The following SUPT3H variants were observed in gnomAD, a reference collection of about 807,000 sequenced individuals.
The protein encoded by SUPT3H is SPT3 homolog, SAGA and STAGA complex component.
A neutral mutation model predicts 44.3 loss-of-function variants in SUPT3H; 44 were observed. The ratio of observed to expected loss-of-function variants is 0.99; its 90% CI spans 0.78 to 1.28. The LOEUF is 1.28. SUPT3H is among the 50% of genes most tolerant of loss of function. SUPT3H has a pLI of 0.00. For missense variants in SUPT3H, 380 were observed against 387.1 expected, an observed-to-expected ratio of 0.98 and a Z score of 0.15; for synonymous variants, 124 against 125.6, an observed-to-expected ratio of 0.99 and a Z score of 0.09.
chr6:44,886,224 C>A (rs574663937), intron 10 of SUPT3H, among the ~76,000 whole-genome samples: 2 of 152,242 alleles, frequency 1.3e-5, no homozygotes, highest in South Asian at 2.1e-4. Flanking sequence ...CTTCCCCAAT[C>A]TAGCAAGGCA....
intron 2 of SUPT3H, among the ~76,000 whole-genome samples, chr6:45,135,987 A>G (rs1241988614): frequency 6.6e-6 from 1 of 152,206 alleles, no homozygotes; most frequent in Non-Finnish European, 1.5e-5. Flanking sequence ...AAAGTGAGTT[A>G]TCAGCCACCC....
chr6:45,105,517 CTATT>C (rs1375685414), intron 3 of SUPT3H, among the ~76,000 whole-genome samples: 1 of 152,094 alleles, frequency 6.6e-6, no homozygotes, highest in Non-Finnish European at 1.5e-5. Context: ...ATACTATAGT[CTATT>C]GATTGTCAAA....
chr6:45,063,663 C>A (rs1480541451), intron 3 of SUPT3H, among the ~76,000 whole-genome samples: 1 of 28,638 alleles, frequency 3.5e-5, no homozygotes, highest in Non-Finnish European at 6.5e-5. Flanking sequence ...GTGAAGAATG[C>A]AGAAGCCTCA....
intron 10 of SUPT3H, among the ~76,000 whole-genome samples, chr6:44,925,154 A>G (rs1463751254): frequency 6.6e-6 from 1 of 152,192 alleles, no homozygotes; most frequent in African/African-American, 2.4e-5. Flanking sequence ...AAACATCTCT[A>G]GTACCCTCTA....
intron 6 of SUPT3H, among the ~76,000 whole-genome samples, chr6:44,962,163 C>G (rs926328220): frequency 2.0e-5 from 3 of 152,130 alleles, no homozygotes; most frequent in African/African-American, 4.8e-5. Flanking sequence ...AAAACTGTTA[C>G]AAATATTATT....
In SUPT3H at chr6:45,128,859, T is replaced by A. The variant is rs906162287; in HGVS notation, c.102-22853A>T. ...TGCCACCACACCTGACTAATTTTTG[T>A]ATTTTGAGTAGAGACAGCGTTTCAC... On this transcript the variant is annotated intron_variant, in intron 2 of 10. Transcript: ENST00000371459. 3.3e-5 allele frequency among the ~76,000 whole-genome samples: 5 copies of A among 151,846 alleles called. No individual in the cohort carries two copies. The East Asian group carries it at 5.9e-4, about 18-fold the overall frequency.
intron 6 of SUPT3H, among the ~76,000 whole-genome samples, chr6:44,970,228 A>G (rs1254988919): frequency 6.6e-6 from 1 of 152,168 alleles, no homozygotes; most frequent in African/African-American, 2.4e-5. Context: ...AAATGTTTTA[A>G]TGCCCATTAA....
Position 45,156,066 on chromosome 6 carries a change from AAAG to A in SUPT3H, c.102-50063_102-50061del, listed in dbSNP as rs927657886. 5.3e-5 allele frequency among the ~76,000 whole-genome samples: 8 copies of A among 152,208 alleles called. No individual in the cohort carries two copies. The East Asian group carries it at 1.2e-3, about 22-fold the overall frequency. On this transcript the variant is annotated intron_variant, in intron 2 of 10. Transcript: ENST00000371459. ...CCATCTATGTTCTAGGGGATTTAAAAAAGAAGAAGAAAAAAGAAAATAGCTTGT... is the reference window on the plus strand; with the variant it reads ...CCATCTATGTTCTAGGGGATTTAAAAAAGAAGAAAAAAGAAAATAGCTTGT...
At chr6:44,847,958 CTTTTTTTTTTTTTTT>C (rs969869912) in intron 10 of SUPT3H, among the ~76,000 whole-genome samples, 4 of 58,392 alleles carry the variant, frequency 6.9e-5, no homozygotes, top group East Asian at 8.0e-4. Flanking sequence ...ATCTCTGTGT[CTTTTTTTTTTTTTTT>C]TTTTTTTTTT....
At chr6:44,960,349 G>C (rs1186668917) in intron 7 of SUPT3H, among the ~76,000 whole-genome samples, 2 of 150,348 alleles carry the variant, frequency 1.3e-5, no homozygotes, top group African/African-American at 2.4e-5. Context: ...AGGAGGAGGA[G>C]GAGGAGGCTG....
At chr6:44,956,675 A>G (rs12214778) in intron 7 of SUPT3H, among the ~76,000 whole-genome samples, 55,221 of 151,766 alleles carry the variant, frequency 0.36, 10,754 homozygotes, top group Admixed American at 0.43. Flanking sequence ...GCAGCCTTTA[A>G]GATATTTCCC....
intron 6 of SUPT3H, among the ~76,000 whole-genome samples, chr6:44,990,452 C>T (rs1182855631): frequency 6.6e-6 from 1 of 151,710 alleles, no homozygotes; most frequent in East Asian, 1.9e-4. Context: ...ATTACTATAG[C>T]TTGGTAACAT....
At chr6:45,278,562 T>C (rs1380369795) in intron 2 of SUPT3H, among the ~76,000 whole-genome samples, 1 of 152,190 alleles carries the variant, frequency 6.6e-6, no homozygotes. Context: ...GAAAATGACC[T>C]CATTATGACA....
At position 44,932,894 on chromosome 6, in the gene SUPT3H, A is replaced by AC. The variant is rs1237004493; in HGVS notation, c.802-132_802-131insG. On this transcript the variant is annotated intron_variant, in intron 9 of 10. Coordinates refer to ENST00000371459, the MANE Select transcript of SUPT3H (RefSeq NM_003599.4). Reference sequence around the variant, plus strand: ...TTAGGATGCACATCACTACTGCCATATACTACATCTAAAAAAGAATTCCAT... The same window carrying AC: ...TTAGGATGCACATCACTACTGCCATACTACTACATCTAAAAAAGAATTCCAT... 2.1e-5 allele frequency: 10 copies of AC among 472,364 alleles called. No individual in the cohort carries two copies. The East Asian group carries it at 3.5e-4, about 17-fold the overall frequency. 29.3% of individuals were successfully genotyped at this position (472,364 alleles called of 1,614,324 possible). A position where few individuals can be genotyped will look rare whatever the true frequency, so the allele number is the denominator to read the frequency against.
At chr6:45,302,140 G>GGTGGTAT (rs2149930486) in intron 2 of SUPT3H, among the ~76,000 whole-genome samples, 1 of 152,170 alleles carries the variant, frequency 6.6e-6, no homozygotes, top group East Asian at 1.9e-4. Context: ...GCGGGGGAAA[G>GGTGGTAT]GTGGTATTTG....
At chr6:45,011,860 G>A (rs1310360814) in intron 5 of SUPT3H, among the ~76,000 whole-genome samples, 5 of 151,680 alleles carry the variant, frequency 3.3e-5, no homozygotes, top group Non-Finnish European at 5.9e-5. Flanking sequence ...TCTTACATGG[G>A]TCTGACGGCA....
chr6:44,989,189 C>G (rs1437207880), intron 6 of SUPT3H, among the ~76,000 whole-genome samples: 1 of 152,068 alleles, frequency 6.6e-6, no homozygotes, highest in Non-Finnish European at 1.5e-5. Flanking sequence ...CCAAAATAAC[C>G]CATCACCCTT....
chr6:45,251,568 A>G (rs947013287), intron 2 of SUPT3H, among the ~76,000 whole-genome samples: 1 of 152,162 alleles, frequency 6.6e-6, no homozygotes. Flanking sequence ...CTTAAGTCCT[A>G]ATAAAGAGTA....
At chr6:44,902,998 A>G (rs1562006869) in intron 10 of SUPT3H, among the ~76,000 whole-genome samples, 1 of 152,298 alleles carries the variant, frequency 6.6e-6, no homozygotes, top group Non-Finnish European at 1.5e-5. Flanking sequence ...CAAAGACACA[A>G]CATACCAGAA....
Sources: allele counts gnomAD v4.1 joint callset (sites outside exome capture counted in the v4.1 genomes callset), GRCh38; gene constraint gnomAD v4.1.1; transcripts MANE v1.5; gene names NCBI Gene and HGNC (gene_info 2026-07-23, HGNC 2026-07-21).